R3HDM1: variants seen among roughly 807,000 people sequenced by gnomAD.
R3HDM1 encodes the protein R3H domain-containing protein 1.
Under a neutral mutation model 141.1 loss-of-function variants are expected in R3HDM1, and 46 were observed. The observed-to-expected ratio is 0.33, with a 90% CI of 0.26 to 0.42. The LOEUF (loss-of-function observed/expected upper bound fraction) is 0.42, where lower values mean the gene tolerates loss of function less well. Among genes scored for constraint, R3HDM1 ranks in the 10% least tolerant of loss-of-function variants. The pLI is 1.00. For missense variants in R3HDM1, 1,184 were observed against 1,368.3 expected (o/e 0.87, Z 2.12); for synonymous variants, 435 against 472.9 (o/e 0.92, Z 1.04).
chr2:135,642,354 A>C (rs922180628), intron 15 of R3HDM1, among the ~76,000 whole-genome samples: 6 of 152,206 alleles, frequency 3.9e-5, no homozygotes, highest in African/African-American at 1.4e-4. Flanking sequence ...GCAATTAGCT[A>C]ATAGTAATTT....
intron 23 of R3HDM1, among the ~76,000 whole-genome samples, chr2:135,713,572 A>G (rs925661565): frequency 6.6e-6 from 1 of 152,218 alleles, no homozygotes; most frequent in East Asian, 1.9e-4. Context: ...AACAGTCTTG[A>G]CATTCACCAG....
chr2:135,690,037 C>G (rs1441393104), intron 21 of R3HDM1, among the ~76,000 whole-genome samples: 1 of 151,904 alleles, frequency 6.6e-6, no homozygotes. Context: ...TTTTAAGAAC[C>G]TTTAAAAAAT....
At chr2:135,718,053 C>T (rs542286757) in intron 24 of R3HDM1, among the ~76,000 whole-genome samples, 67 of 152,204 alleles carry the variant, frequency 4.4e-4, no homozygotes, top group African/African-American at 1.6e-3. Context: ...GATGACTCTC[C>T]GGGTCACGAC....
chr2:135,542,396 A>G (rs1697789744), intron 1 of R3HDM1, among the ~76,000 whole-genome samples: 3 of 152,344 alleles, frequency 2.0e-5, no homozygotes, highest in East Asian at 3.9e-4. Context: ...CTAACACTGA[A>G]CAAATCCAAG....
chr2:135,682,394 C>CA (rs1208859821), intron 21 of R3HDM1, among the ~76,000 whole-genome samples: 1 of 151,962 alleles, frequency 6.6e-6, no homozygotes, highest in Non-Finnish European at 1.5e-5. Flanking sequence ...TCCCTTGAAA[C>CA]AAAAAAGATT....
At chr2:135,681,358 G>A (rs1324657372) in intron 21 of R3HDM1, among the ~76,000 whole-genome samples, 1 of 152,154 alleles carries the variant, frequency 6.6e-6, no homozygotes. Flanking sequence ...TCTCAAATCC[G>A]CCTCTGAAAA....
chr2:135,698,892 C>T lies in R3HDM1; in HGVS notation c.2460-10541C>T, dbSNP rs890376064. 1.8e-4 allele frequency among the ~76,000 whole-genome samples: 27 copies of T among 152,076 alleles called. 1 individual carries two copies. Among genetic ancestry groups the T allele is most frequent in the African/African-American group, 6.3e-4 (26 of 41,398 alleles). ...TTAGAAACCACCTCCATGATCCAGTCACCTCCCAGCAGGCCCCACCTCCAG... is the reference window on the plus strand; with the variant it reads ...TTAGAAACCACCTCCATGATCCAGTTACCTCCCAGCAGGCCCCACCTCCAG... On this transcript the variant is annotated intron_variant, in intron 21 of 26. Coordinates refer to ENST00000683871, the MANE Select transcript of R3HDM1 (RefSeq NM_001378107.1).
intron 15 of R3HDM1, among the ~76,000 whole-genome samples, chr2:135,642,159 C>T (rs899923072): frequency 7.2e-5 from 11 of 151,782 alleles, no homozygotes; most frequent in Admixed American, 2.6e-4. Flanking sequence ...TTGGGAAAAT[C>T]GGATACATTT....
At chr2:135,633,642 A>G (rs996304541) in intron 9 of R3HDM1, 1 of 152,098 alleles carries the variant, frequency 6.6e-6, no homozygotes, top group African/African-American at 2.4e-5. Context: ...AAATCAGAAA[A>G]CCTTAGAGAT....
At chr2:135,577,636 G>A (rs1389841943) in intron 1 of R3HDM1, among the ~76,000 whole-genome samples, 1 of 151,748 alleles carries the variant, frequency 6.6e-6, no homozygotes, top group Non-Finnish European at 1.5e-5. Context: ...TCTCAACCTC[G>A]AGACCAGCCT....
intron 1 of R3HDM1, among the ~76,000 whole-genome samples, chr2:135,581,722 G>A (rs1004114658): frequency 4.6e-5 from 7 of 152,098 alleles, no homozygotes; most frequent in Admixed American, 1.3e-4. Context: ...TCAAGTTTCT[G>A]AATTTTTATT....
chr2:135,684,703 T>C (rs2071024530), intron 21 of R3HDM1, among the ~76,000 whole-genome samples: 1 of 152,088 alleles, frequency 6.6e-6, no homozygotes, highest in Non-Finnish European at 1.5e-5. Flanking sequence ...AATACTCATA[T>C]GAGGAATTGG....
intron 5 of R3HDM1, among the ~76,000 whole-genome samples, chr2:135,621,152 C>G (rs2061479759): frequency 6.6e-6 from 1 of 151,972 alleles, no homozygotes; most frequent in Admixed American, 6.6e-5. Context: ...TGCTTGGCAT[C>G]TTCCTTGCAA....
intron 3 of R3HDM1, among the ~76,000 whole-genome samples, chr2:135,609,289 GT>G (rs2060327219): frequency 1.3e-5 from 2 of 152,000 alleles, no homozygotes; most frequent in Admixed American, 1.3e-4. Context: ...TCAGGGTTTT[GT>G]TTTGGACTGT....
chr2:135,579,748 C>G (rs183764059), intron 1 of R3HDM1, among the ~76,000 whole-genome samples: 2 of 152,096 alleles, frequency 1.3e-5, no homozygotes, highest in Non-Finnish European at 2.9e-5. Flanking sequence ...TAAGTTCAGT[C>G]TAATCATGAA....
intron 1 of R3HDM1, among the ~76,000 whole-genome samples, chr2:135,554,156 C>T (rs775504498): frequency 2.0e-5 from 3 of 152,172 alleles, no homozygotes; most frequent in African/African-American, 4.8e-5. Context: ...AACCCCATAC[C>T]CATTAGCAGT....
chr2:135,634,433 G>T (rs1217654570), intron 9 of R3HDM1, among the ~76,000 whole-genome samples: 1 of 152,152 alleles, frequency 6.6e-6, no homozygotes, highest in Non-Finnish European at 1.5e-5. Context: ...TTGAGGTCGG[G>T]AGTGTGCAAC....
At position 135,616,695 on chromosome 2, in the gene R3HDM1, A is replaced by T. The variant is rs1259423507; in HGVS notation, c.241A>T (p.Ser81Cys). The T allele has an allele frequency of 6.2e-7, 1 of 1,609,238 alleles. No individual in the cohort carries two copies. Among genetic ancestry groups the T allele is most frequent in the Non-Finnish European group, 8.5e-7 (1 of 1,177,058 alleles). Residue 81 changes from serine to cysteine, a missense_variant, in exon 5 of 27, where the codon AGC (serine) becomes TGC (cysteine). This residue lies in a region of R3HDM1 where 192 missense variants were observed against 215.7 expected (regional missense o/e 0.89). Coordinates refer to ENST00000683871, the MANE Select transcript of R3HDM1 (RefSeq NM_001378107.1). ...KSSSKLKLVR[S>C]LAVCEESPPP... Reference sequence around the variant, plus strand: ...AAGCTCAAAGTTAAAGCTAGTTCGGAGCCTTGCAGTGTGTGAAGAATCTCC... The same window carrying T: ...AAGCTCAAAGTTAAAGCTAGTTCGGTGCCTTGCAGTGTGTGAAGAATCTCC...
At chr2:135,638,870 T>G (rs1389771474) in intron 13 of R3HDM1, 26 bp from the exon 14 acceptor site, 4 of 1,612,418 alleles carry the variant, frequency 2.5e-6, no homozygotes, top group East Asian at 4.5e-5. Context: ...GCATTAGCTT[T>G]TCAAGGTTTT....
Sources: gnomAD v4.1 joint callset for allele counts (sites outside exome capture counted in the v4.1 genomes callset) on GRCh38, gnomAD v4.1.1 for gene constraint, gnomAD v4.1.1 regional missense constraint, MANE v1.5 for transcripts, NCBI Gene and HGNC (gene_info 2026-07-23, HGNC 2026-07-21) for gene names.